The following ANK2 variants were observed in gnomAD, a reference collection of about 807,000 sequenced individuals.
The protein encoded by ANK2 is ankyrin-2.
ANK2 carries 83 observed loss-of-function variants against 360.5 expected under a neutral mutation model. That is an observed-to-expected ratio of 0.23 (90% CI 0.19 to 0.28). ANK2 has a LOEUF of 0.28. Among genes scored for constraint, ANK2 ranks in the 10% least tolerant of loss-of-function variants. ANK2 has a pLI of 1.00. For missense variants in ANK2, 4,201 were observed against 4,795.7 expected (o/e 0.88, Z 3.66); for synonymous variants, 1,740 against 1,759.5 (o/e 0.99, Z 0.28).
At chr4:113,350,351 A>G in intron 37 of ANK2, 102 bp downstream of exon 37, 1 of 959,336 alleles carries the variant, frequency 1.0e-6, no homozygotes, top group Non-Finnish European at 1.6e-6. Context: ...CACTATAGTA[A>G]TTACATTTTT....
At chr4:113,025,358 G>A (rs2059054072) in intron 2 of ANK2, among the ~76,000 whole-genome samples, 1 of 152,074 alleles carries the variant, frequency 6.6e-6, no homozygotes, top group Non-Finnish European at 1.5e-5. Flanking sequence ...TGTGGATTTG[G>A]GGAATCTGCC....
At chr4:112,925,429 A>G (rs1163205198) in intron 2 of ANK2, among the ~76,000 whole-genome samples, 1 of 152,182 alleles carries the variant, frequency 6.6e-6, no homozygotes, top group African/African-American at 2.4e-5. Flanking sequence ...AGAAATATGC[A>G]TGTTTCCTTT....
chr4:113,288,581 T>G, intron 20 of ANK2, 95 bp downstream of exon 20: 3 of 1,062,040 alleles, frequency 2.8e-6, no homozygotes, highest in Non-Finnish European at 4.2e-6. Context: ...GTGTATTTTT[T>G]TCTTCCTTTT....
At chr4:113,125,610 A>G (rs1439787261) in intron 1 of ANK2, among the ~76,000 whole-genome samples, 1 of 152,184 alleles carries the variant, frequency 6.6e-6, no homozygotes, top group Non-Finnish European at 1.5e-5. Flanking sequence ...TAAAATGATA[A>G]GGATCTGAGA....
At chr4:113,208,986 C>G (rs1283688973) in intron 4 of ANK2, among the ~76,000 whole-genome samples, 3 of 151,986 alleles carry the variant, frequency 2.0e-5, no homozygotes, top group Admixed American at 2.0e-4. Flanking sequence ...GGGCATACTT[C>G]CCCTTCATCC....
rs1404597411 is a variant in ANK2, at chr4:113,358,700, T to A, written c.10082T>A (p.Leu3361His). 1 of 1,614,008 alleles carries A rather than the reference T, an allele frequency of 6.2e-7. No individual in the cohort carries two copies. Among genetic ancestry groups the A allele is most frequent in the Non-Finnish European group, 8.5e-7 (1 of 1,179,950 alleles). The change falls in exon 38 of 46, where the codon CTC becomes CAC. Residue 3361 changes from leucine to histidine, a missense_variant. Coordinates refer to ENST00000357077, the MANE Select transcript of ANK2 (RefSeq NM_001148.6). ...KVPLQRVEQQ[L>H]SDLDTSVQKT... is the part of the protein sequence containing the mutation. ...CCCCTCCAAAGAGTTGAACAGCAGC[T>A]CTCAGATCTAGACACCTCTGTCCAG...
intron 4 of ANK2, among the ~76,000 whole-genome samples, chr4:113,222,892 G>A (rs775146515): frequency 2.6e-5 from 4 of 152,134 alleles, no homozygotes; most frequent in Non-Finnish European, 4.4e-5. Context: ...CAGATTATCT[G>A]AGAAAATGTA....
the ANK2 span, among the ~76,000 whole-genome samples, chr4:112,808,307 G>A: frequency 3.9e-5 from 6 of 152,164 alleles, no homozygotes; most frequent in African/African-American, 1.4e-4. Context: ...GGGTGAGCAG[G>A]ATGATGAAGA....
chr4:113,125,749 T>G (rs1223412067), intron 1 of ANK2, among the ~76,000 whole-genome samples: 2 of 152,154 alleles, frequency 1.3e-5, no homozygotes, highest in Non-Finnish European at 2.9e-5. Flanking sequence ...AGATAAATTT[T>G]TTTTGAGCTG....
rs142286848 is a variant in ANK2 at position 113,115,395 on chromosome 4, A to T, written c.85-59021A>T. Among the ~76,000 whole-genome samples the T allele has an allele frequency of 6.5e-3, 994 of 152,256 alleles. 10 individuals carry two copies. The highest frequency in any genetic ancestry group is 0.022 in the African/African-American group (927 of 41,552). On this transcript the variant is annotated intron_variant, in intron 1 of 45. Transcript: ENST00000357077. ...CAGAGAAAGCTAATGCTCCCCATAT[A>T]TGATAAAAACTGCTCCCTTCTCTCC...
intron 29 of ANK2, 72 bp downstream of exon 29, chr4:113,333,280 A>G (rs2092880776): frequency 1.3e-6 from 2 of 1,538,804 alleles, no homozygotes; most frequent in African/African-American, 1.4e-5. Context: ...CTTTCTTATG[A>G]CCTAGGGGTG....
At chr4:113,339,502 C>CAGTA in intron 32 of ANK2, among the ~76,000 whole-genome samples, 180 bp downstream of exon 32, 2 of 152,248 alleles carry the variant, frequency 1.3e-5, no homozygotes, top group Middle Eastern at 6.8e-3. Flanking sequence ...AGTGATAATA[C>CAGTA]AGTAACAAAG....
At chr4:112,815,049 C>T (rs2055540027), upstream of ANK2, among the ~76,000 whole-genome samples, 1 of 149,462 alleles carries the variant, frequency 6.7e-6, no homozygotes, top group Admixed American at 6.7e-5. Flanking sequence ...TCAAAGTCTA[C>T]TATTTTTAGT....
At chr4:113,227,941 T>G (rs969816067) in intron 4 of ANK2, among the ~76,000 whole-genome samples, 8 of 152,212 alleles carry the variant, frequency 5.3e-5, no homozygotes, top group Non-Finnish European at 1.2e-4. Context: ...CACTATAATT[T>G]GAGGAGATAC....
intron 1 of ANK2, among the ~76,000 whole-genome samples, chr4:113,168,928 C>T (rs1414258875): frequency 6.6e-6 from 1 of 152,160 alleles, no homozygotes; most frequent in African/African-American, 2.4e-5. Context: ...TGGTGACAGA[C>T]CACACCCAGT....
chr4:113,112,576 T>A (rs1048336212), intron 1 of ANK2, among the ~76,000 whole-genome samples: 6 of 152,190 alleles, frequency 3.9e-5, no homozygotes, highest in African/African-American at 1.4e-4. Flanking sequence ...AAGGGAGGTC[T>A]GTGGTGACAG....
At chr4:112,922,763 A>G (rs1164157255) in intron 2 of ANK2, among the ~76,000 whole-genome samples, 2 of 152,218 alleles carry the variant, frequency 1.3e-5, no homozygotes, top group Non-Finnish European at 2.9e-5. Flanking sequence ...TATTTAACCT[A>G]TTTAACTATG....
At chr4:113,156,093 G>A (rs2097277496) in intron 1 of ANK2, among the ~76,000 whole-genome samples, 1 of 152,076 alleles carries the variant, frequency 6.6e-6, no homozygotes, top group Non-Finnish European at 1.5e-5. Context: ...ATCAAGACAG[G>A]GACAAAGATG....
intron 1 of ANK2, among the ~76,000 whole-genome samples, chr4:113,172,457 G>A (rs1042789565): frequency 2.0e-5 from 3 of 152,104 alleles, no homozygotes; most frequent in South Asian, 2.1e-4. Flanking sequence ...GTGTAAATAC[G>A]TGACTCTGGA....
Sources: allele counts gnomAD v4.1 joint callset (sites outside exome capture counted in the v4.1 genomes callset), GRCh38; gene constraint gnomAD v4.1.1; transcripts MANE v1.5; gene names NCBI Gene and HGNC (gene_info 2026-07-23, HGNC 2026-07-21).